The following KIRREL2 variants were observed in gnomAD, a reference collection of about 807,000 sequenced individuals.
KIRREL2 encodes kin of IRRE-like protein 2.
KIRREL2 carries 56 observed loss-of-function variants against 73.4 expected under a neutral mutation model. The ratio of observed to expected loss-of-function variants is 0.76; its 90% CI spans 0.62 to 0.95. KIRREL2 has a LOEUF of 0.95. Ranked by LOEUF, KIRREL2 falls within the 40% of genes least tolerant of loss-of-function variation. KIRREL2 has a pLI of 0.00. For synonymous variants in KIRREL2, 407 were observed against 404.0 expected (o/e 1.01, Z -0.09); for missense variants, 896 against 935.0 (o/e 0.96, Z 0.54).
chr19:35,863,092 A>G, intron 13 of KIRREL2, 56 bp downstream of exon 13: 1 of 977,008 alleles, frequency 1.0e-6, no homozygotes, highest in South Asian at 1.4e-5. Context: ...ATAATAGCCC[A>G]GTCCCAAGAG....
chr19:35,857,184 C>T lies in KIRREL2; in HGVS notation c.61+4C>T, dbSNP rs573751318. ...TTCTGCTTCAGAGGGAGAGCAGGTA[C>T]CGCACGAGGGGAGCGGAGGAATATG... On this transcript the variant is annotated splice_donor_region_variant and intron_variant, in intron 1 of 14. Coordinates refer to ENST00000360202, the MANE Select transcript of KIRREL2 (RefSeq NM_199180.4). 9.3e-6 allele frequency: 15 copies of T among 1,611,852 alleles called. No homozygotes were observed. The African/African-American group carries it at 1.1e-4, about 12-fold the overall frequency.
intron 9 of KIRREL2, 98 bp from the exon 10 acceptor site, chr19:35,861,443 T>G: frequency 6.8e-7 from 1 of 1,463,256 alleles, no homozygotes; most frequent in South Asian, 1.2e-5. Context: ...CCTGATTGAT[T>G]GAGGTTAGCG....
chr19:35,866,205 A>AG lies in KIRREL2; in HGVS notation c.1841dup (p.Ser614ArgfsTer28). 1 of 1,613,134 alleles carries AG rather than the reference A, an allele frequency of 6.2e-7. No homozygotes were observed. The highest frequency in any genetic ancestry group is 1.1e-5 in the South Asian group (1 of 91,042). On this transcript the variant is annotated frameshift_variant, in exon 15 of 15. Coordinates refer to ENST00000360202, the MANE Select transcript of KIRREL2 (RefSeq NM_199180.4). LOFTEE classifies it high-confidence loss of function. ...GGTCCGAGGAGTCAGTGTGAGCCTG[A>AG]GCCTTGGCGAAGCCCCTGGAGGAGG...
upstream of KIRREL2, among the ~76,000 whole-genome samples, chr19:35,853,392 G>A (rs1031444831): frequency 6.6e-6 from 1 of 152,216 alleles, no homozygotes. Flanking sequence ...CAAAGTGGGC[G>A]CCCTTTGGCA....
chr19:35,864,442 G>C (rs150993495), intron 13 of KIRREL2, among the ~76,000 whole-genome samples: 1 of 151,908 alleles, frequency 6.6e-6, no homozygotes, highest in Admixed American at 6.6e-5. Flanking sequence ...CTCCTGCTGC[G>C]GCCTCCCAAA....
At chr19:35,852,564 G>C (rs545446995), upstream of KIRREL2, among the ~76,000 whole-genome samples, 3 of 151,860 alleles carry the variant, frequency 2.0e-5, no homozygotes, top group South Asian at 6.2e-4. Context: ...TGCCCAGCAG[G>C]CTCCTCCCAG....
upstream of KIRREL2, among the ~76,000 whole-genome samples, chr19:35,854,882 G>T (rs1279042351): frequency 6.6e-6 from 1 of 151,988 alleles, no homozygotes; most frequent in Non-Finnish European, 1.5e-5. Context: ...CTCCATCTCC[G>T]AGTGGCTCTG....
rs35423326 is a variant in KIRREL2, at chr19:35,861,122, G to A, written c.1057G>A (p.Val353Met). The change falls in exon 9 of 15, where the codon GTG (valine) becomes ATG (methionine). Residue 353 changes from valine (V) to methionine (M), a missense_variant and splice_region_variant. Physicochemically the swap from Val to Met is conservative, Grantham distance 21. Transcript: ENST00000360202. ...TTCTGACGCCCCTTCCCTGTCGCAG[G>A]TGCTGGGCTCTGGAGCCACACTGCG... ...VTWTRRGGAQVLGSGATLRLP... is the reference protein window; with the variant it reads ...VTWTRRGGAQMLGSGATLRLP... 50,227 of 1,606,878 alleles carry A rather than the reference G, an allele frequency of 0.031. 872 individuals are homozygous for A. The highest frequency in any genetic ancestry group is 0.039 in the South Asian group (3,573 of 90,558).
chr19:35,861,247 T>C lies in KIRREL2; in HGVS notation c.1182T>C (p.Thr394=). ...LRGGAAEARL[T]VNAPPVVTAL... is the part of the protein sequence containing the mutation. Reference sequence around the variant, plus strand: ...GCGGCGCCGCGGAGGCTCGGCTGACTGTGAACGGTGAGAAGGCGGGGCTTC... The same window carrying C: ...GCGGCGCCGCGGAGGCTCGGCTGACCGTGAACGGTGAGAAGGCGGGGCTTC... Residue 394 remains threonine, a synonymous_variant, in exon 9 of 15, where the codon ACT becomes ACC. Transcript: ENST00000360202. The C allele has an allele frequency of 6.5e-7, 1 of 1,529,302 alleles. No homozygotes were observed. Among genetic ancestry groups the C allele is most frequent in the Non-Finnish European group, 8.7e-7 (1 of 1,148,560 alleles). 94.7% of individuals were successfully genotyped at this position (1,529,302 alleles called of 1,614,324 possible).
Position 35,857,065 on chromosome 19 carries a change from A to G in KIRREL2, c.-55A>G, listed in dbSNP as rs1973449153. On this transcript the variant is annotated 5_prime_UTR_variant, in exon 1 of 15. Coordinates refer to ENST00000360202, the MANE Select transcript of KIRREL2 (RefSeq NM_199180.4). ...GTGACAGGAGGCGTGCTTGAGAGGA[A>G]GAAGTTGACGGGAAGGCCAGTGCGA... 1.9e-6 allele frequency: 3 copies of G among 1,583,028 alleles called. No individual in the cohort carries two copies. Among genetic ancestry groups the G allele is most frequent in the African/African-American group, 2.7e-5 (2 of 74,248 alleles).
chr19:35,862,118 C>A, intron 11 of KIRREL2, 94 bp downstream of exon 11: 1 of 1,092,856 alleles, frequency 9.2e-7, no homozygotes, highest in Non-Finnish European at 1.3e-6. Flanking sequence ...CTCATACCCT[C>A]AAATGCAGAG....
intron 14 of KIRREL2, among the ~76,000 whole-genome samples, chr19:35,865,426 C>T (rs1045054506): frequency 1.3e-5 from 2 of 152,202 alleles, no homozygotes; most frequent in African/African-American, 2.4e-5. Context: ...GCTGGGATTA[C>T]AGGCGTGAGC....
chr19:35,855,354 G>A (rs1227102830), upstream of KIRREL2, among the ~76,000 whole-genome samples: 3 of 151,868 alleles, frequency 2.0e-5, no homozygotes, highest in African/African-American at 7.3e-5. Flanking sequence ...CATGCTCCTG[G>A]GACCTTGGGC....
At chr19:35,862,869 G>T (rs1973767316) in intron 12 of KIRREL2, 58 bp from the exon 13 acceptor site, 1 of 1,026,298 alleles carries the variant, frequency 9.7e-7, no homozygotes, top group Non-Finnish European at 1.5e-6. Flanking sequence ...CCCGCTTATT[G>T]GTCTGCACAC....
chr19:35,859,648 C>G lies in KIRREL2; in HGVS notation c.673+17C>G, dbSNP rs1973579761. 6.2e-7 allele frequency: 1 copy of G among 1,611,882 alleles called. No homozygotes were observed. The highest frequency in any genetic ancestry group is 1.1e-5 in the South Asian group (1 of 91,014). On this transcript the variant is annotated intron_variant, in intron 5 of 14. Coordinates refer to ENST00000360202, the MANE Select transcript of KIRREL2 (RefSeq NM_199180.4). ...GCCTGCAGTGTGAGTGCAGCTGGCC[C>G]TGGGAAAGAGGGGTGTGGGGCCCTG...
At chr19:35,857,291 T>A in intron 1 of KIRREL2, 54 bp from the exon 2 acceptor site, 1 of 1,609,758 alleles carries the variant, frequency 6.2e-7, no homozygotes, top group Non-Finnish European at 8.5e-7. Flanking sequence ...GGGTCCTGAA[T>A]GAGGAGGCCC....
intron 5 of KIRREL2, 78 bp from the exon 6 acceptor site, chr19:35,860,219 A>C: frequency 8.4e-7 from 1 of 1,195,834 alleles, no homozygotes; most frequent in Non-Finnish European, 1.2e-6. Flanking sequence ...GGATGGAGGA[A>C]CCAGGGACTG....
chr19:35,864,781 C>A, intron 14 of KIRREL2, 68 bp downstream of exon 14: 4 of 1,243,912 alleles, frequency 3.2e-6, no homozygotes, highest in Non-Finnish European at 4.7e-6. Context: ...ATTGTGTTTC[C>A]GTCTCTCTCC....
At chr19:35,862,186 C>T (rs1973724265) in intron 11 of KIRREL2, among the ~76,000 whole-genome samples, 162 bp downstream of exon 11, 1 of 152,170 alleles carries the variant, frequency 6.6e-6, no homozygotes, top group Non-Finnish European at 1.5e-5. Context: ...CCAAGACACC[C>T]CTCAACCACA....
Sources: allele counts gnomAD v4.1 joint callset (sites outside exome capture counted in the v4.1 genomes callset), GRCh38; gene constraint gnomAD v4.1.1; transcripts MANE v1.5; gene names NCBI Gene and HGNC (gene_info 2026-07-23, HGNC 2026-07-21).